Variants in EPHB1 observed in about 807,000 individuals in gnomAD.
EPHB1 encodes the protein ephrin type-B receptor 1.
In EPHB1, 30 loss-of-function variants were observed where a neutral mutation model predicts 94.4. The observed-to-expected ratio is 0.32, with a 90% CI of 0.24 to 0.43. The LOEUF is 0.43. Among genes scored for constraint, EPHB1 ranks in the 20% least tolerant of loss-of-function variants. The pLI is 1.00. For synonymous variants in EPHB1, 522 were observed against 489.1 expected (o/e 1.07, Z -0.89); for missense variants, 1,055 against 1,308.3 (o/e 0.81, Z 2.99).
At chr3:135,129,352 C>A (rs1420647562) in intron 4 of EPHB1, among the ~76,000 whole-genome samples, 1 of 152,062 alleles carries the variant, frequency 6.6e-6, no homozygotes. Context: ...CTCCATCCAG[C>A]TCTTCATTTG....
intron 4 of EPHB1, among the ~76,000 whole-genome samples, chr3:135,114,595 G>A (rs901875610): frequency 4.9e-5 from 7 of 143,782 alleles, no homozygotes; most frequent in African/African-American, 1.8e-4. Flanking sequence ...GTGGTGGCAT[G>A]TTCCTGTAGT....
At chr3:134,994,986 T>TGTGTGTG (rs1934940621) in intron 3 of EPHB1, among the ~76,000 whole-genome samples, 1 of 148,380 alleles carries the variant, frequency 6.7e-6, no homozygotes, top group Admixed American at 6.7e-5. Flanking sequence ...TTACATACAC[T>TGTGTGTG]TGTGTGTGTG....
At position 134,998,426 on chromosome 3, in the gene EPHB1, G is replaced by A. The variant is rs563274831; in HGVS notation, c.805+46374G>A. On this transcript the variant is annotated intron_variant, in intron 3 of 15. Coordinates refer to ENST00000398015, the MANE Select transcript of EPHB1 (RefSeq NM_004441.5). ...CCTGGGTCTCTAAGGCAGGGCAGAA[G>A]CTGGACTTTATTACCTTTTTCTTCA... 2.6e-5 allele frequency among the ~76,000 whole-genome samples: 4 copies of A among 152,322 alleles called. No individual in the cohort carries two copies. In the East Asian group the frequency reaches 7.7e-4, roughly 29 times the overall value.
At chr3:135,209,878 G>A (rs183028919) in intron 12 of EPHB1, among the ~76,000 whole-genome samples, 9 of 152,276 alleles carry the variant, frequency 5.9e-5, no homozygotes, top group African/African-American at 2.2e-4. Flanking sequence ...AGGCTACGGG[G>A]CAATGGGCCT....
chr3:134,989,102 C>A (rs945402864), intron 3 of EPHB1, among the ~76,000 whole-genome samples: 1 of 152,152 alleles, frequency 6.6e-6, no homozygotes, highest in East Asian at 1.9e-4. Context: ...AATAAAGATT[C>A]CTGCAAGTGT....
intron 10 of EPHB1, among the ~76,000 whole-genome samples, chr3:135,187,801 A>C (rs1009340249): frequency 6.6e-6 from 1 of 152,128 alleles, no homozygotes; most frequent in African/African-American, 2.4e-5. Context: ...ATCAGTCACC[A>C]TAAGTCTCAA....
At chr3:135,252,149 ACT>A (rs1933135134) in intron 15 of EPHB1, among the ~76,000 whole-genome samples, 1 of 150,900 alleles carries the variant, frequency 6.6e-6, no homozygotes, top group South Asian at 2.1e-4. Context: ...AAAAATTGTT[ACT>A]GTTAAATTTT....
intron 12 of EPHB1, among the ~76,000 whole-genome samples, chr3:135,211,575 A>ATAGTT (rs1254288469): frequency 6.6e-6 from 1 of 152,146 alleles, no homozygotes; most frequent in African/African-American, 2.4e-5. Flanking sequence ...CTTCTGGTTT[A>ATAGTT]TAGTTTGGGT....
chr3:135,039,685 C>G (rs1378853228), intron 3 of EPHB1, among the ~76,000 whole-genome samples: 2 of 152,224 alleles, frequency 1.3e-5, no homozygotes, highest in Admixed American at 6.5e-5. Flanking sequence ...CTAAGTCCCC[C>G]CTTGCTCGGG....
At chr3:134,853,048 C>T (rs2037026628) in intron 1 of EPHB1, among the ~76,000 whole-genome samples, 1 of 151,960 alleles carries the variant, frequency 6.6e-6, no homozygotes, top group Admixed American at 6.6e-5. Flanking sequence ...GCAAGTGGAG[C>T]CCGAGTCGGG....
At chr3:135,207,558 T>C (rs992531405) in intron 12 of EPHB1, among the ~76,000 whole-genome samples, 3 of 152,108 alleles carry the variant, frequency 2.0e-5, no homozygotes, top group Non-Finnish European at 4.4e-5. Context: ...CCAGCTGAAA[T>C]AAGGGCCGCT....
At chr3:134,822,747 T>C (rs970060138) in intron 1 of EPHB1, among the ~76,000 whole-genome samples, 1 of 152,216 alleles carries the variant, frequency 6.6e-6, no homozygotes, top group Admixed American at 6.5e-5. Context: ...AATAGCATTC[T>C]TTTGCAGTTA....
chr3:135,178,843 A>T (rs1942067049), intron 9 of EPHB1, among the ~76,000 whole-genome samples: 2 of 152,152 alleles, frequency 1.3e-5, no homozygotes. Flanking sequence ...TGGCAGAGAA[A>T]GCCCCTACTC....
chr3:134,833,689 T>G (rs2036619318), intron 1 of EPHB1, among the ~76,000 whole-genome samples: 1 of 152,162 alleles, frequency 6.6e-6, no homozygotes, highest in South Asian at 2.1e-4. Context: ...TGGCCAGGCC[T>G]GAGGGTGTCT....
At chr3:135,031,969 A>G (rs1180352190) in intron 3 of EPHB1, among the ~76,000 whole-genome samples, 1 of 151,580 alleles carries the variant, frequency 6.6e-6, no homozygotes, top group Non-Finnish European at 1.5e-5. Context: ...TGACATTTCA[A>G]TTTTCCTTAT....
At chr3:135,192,288 A>C (rs980273541) in intron 10 of EPHB1, among the ~76,000 whole-genome samples, 10 of 1,736 alleles carry the variant, frequency 5.8e-3, no homozygotes, top group Non-Finnish European at 9.9e-3. Flanking sequence ...CAATGGAAAA[A>C]TTAAGTGTGG....
intron 9 of EPHB1, among the ~76,000 whole-genome samples, chr3:135,178,481 TCTC>T (rs1942056596): frequency 2.0e-5 from 3 of 147,992 alleles, no homozygotes; most frequent in Non-Finnish European, 4.5e-5. Context: ...AAAAAAAAAT[TCTC>T]CTCAATGGTT....
At chr3:134,976,017 A>G (rs1419076281) in intron 3 of EPHB1, among the ~76,000 whole-genome samples, 1 of 152,232 alleles carries the variant, frequency 6.6e-6, no homozygotes, top group African/African-American at 2.4e-5. Flanking sequence ...GTGGATTAAC[A>G]GAATGCAGAA....
intron 1 of EPHB1, among the ~76,000 whole-genome samples, chr3:134,833,194 C>T (rs1226622479): frequency 1.3e-5 from 2 of 152,200 alleles, no homozygotes; most frequent in Non-Finnish European, 2.9e-5. Context: ...TCAGCGCCCC[C>T]ATAAGTGAGG....
Sources: allele counts gnomAD v4.1 joint callset (sites outside exome capture counted in the v4.1 genomes callset), GRCh38; gene constraint gnomAD v4.1.1; transcripts MANE v1.5; gene names NCBI Gene and HGNC (gene_info 2026-07-23, HGNC 2026-07-21).